The following PAX5 variants were observed in gnomAD, a reference collection of about 807,000 sequenced individuals.
PAX5 encodes paired box 5, also known as paired box protein Pax-5.
A neutral mutation model predicts 43.7 loss-of-function variants in PAX5; 9 were observed. That is an observed-to-expected ratio of 0.21 (90% CI 0.12 to 0.36). The LOEUF (loss-of-function observed/expected upper bound fraction) is 0.36, where lower values mean the gene tolerates loss of function less well. PAX5 is among the 10% of genes least tolerant of loss of function. The probability of loss-of-function intolerance (pLI) is 1.00; values close to 1 mark genes in which losing one functional copy is unlikely to be tolerated. For missense variants in PAX5, 383 were observed against 532.7 expected (o/e 0.72, Z 2.77); for synonymous variants, 228 against 214.3 (o/e 1.06, Z -0.56).
intron 8 of PAX5, among the ~76,000 whole-genome samples, chr9:36,865,695 G>A (rs1824803089): frequency 6.6e-6 from 1 of 152,212 alleles, no homozygotes. Context: ...GAGTTTATTT[G>A]CCAACTAGTA....
intron 3 of PAX5, among the ~76,000 whole-genome samples, chr9:37,009,802 T>C (rs1299331685): frequency 6.6e-6 from 1 of 152,082 alleles, no homozygotes; most frequent in Non-Finnish European, 1.5e-5. Flanking sequence ...CATAAATATA[T>C]ATATATATGC....
chr9:37,017,928 C>T (rs951065519), intron 2 of PAX5, among the ~76,000 whole-genome samples: 8 of 152,340 alleles, frequency 5.3e-5, no homozygotes, highest in South Asian at 2.1e-4. Flanking sequence ...GCAAAACAGC[C>T]GTGCAGCCCC....
intron 4 of PAX5, 27 bp from the exon 5 acceptor site, chr9:37,002,803 G>T: frequency 6.3e-7 from 1 of 1,594,834 alleles, no homozygotes; most frequent in Non-Finnish European, 8.5e-7. Flanking sequence ...GGGCGGTCAG[G>T]GCCGCAGAGG....
At chr9:36,870,663 T>C (rs1387645928) in intron 8 of PAX5, among the ~76,000 whole-genome samples, 4 of 152,246 alleles carry the variant, frequency 2.6e-5, no homozygotes, top group African/African-American at 9.6e-5. Context: ...CAGATTGTTG[T>C]AGATTCCTAA....
Position 36,999,284 on chromosome 9 carries a change from C to A in PAX5, c.604+3364G>T, listed in dbSNP as rs189439409. On this transcript the variant is annotated intron_variant, in intron 5 of 9. Transcript: ENST00000358127. ...CCTTTGATTGGAATGCCCTCTCCTC[C>A]CTTTACCCAGCTCTCAAATGCCACC... Among the ~76,000 whole-genome samples, 26 of 152,350 alleles carry A rather than the reference C, an allele frequency of 1.7e-4. 1 individual carries two copies. Among genetic ancestry groups the A allele is most frequent in the Admixed American group, 1.3e-3 (20 of 15,308 alleles).
intron 7 of PAX5, among the ~76,000 whole-genome samples, chr9:36,906,339 G>A (rs1828821534): frequency 6.6e-6 from 1 of 152,192 alleles, no homozygotes; most frequent in Non-Finnish European, 1.5e-5. Context: ...GGGGGTCAGA[G>A]TCACAGACAG....
At chr9:37,028,741 T>C (rs926694496) in intron 1 of PAX5, among the ~76,000 whole-genome samples, 2 of 151,940 alleles carry the variant, frequency 1.3e-5, no homozygotes, top group Non-Finnish European at 2.9e-5. Flanking sequence ...TCTGCAAGGG[T>C]CAAGCAAAGC....
At chr9:36,880,548 T>C (rs769291121) in intron 8 of PAX5, among the ~76,000 whole-genome samples, 19 of 152,352 alleles carry the variant, frequency 1.2e-4, no homozygotes, top group Middle Eastern at 3.4e-3. Flanking sequence ...TATCTATTTA[T>C]TTATTACATT....
In PAX5 at chr9:36,840,400, C is replaced by T; in HGVS notation, c.*160G>A. 5 of 731,914 alleles carry T rather than the reference C, an allele frequency of 6.8e-6. No individual in the cohort carries two copies. Among genetic ancestry groups the T allele is most frequent in the Admixed American group, 4.3e-5 (2 of 46,698 alleles). 45.3% of individuals were successfully genotyped at this position (731,914 alleles called of 1,614,324 possible). ...GAAGTCCAACGGCCCCACCAAAGGG[C>T]CCCAGAGTCCCTGGAGGAAGAGAGG... On this transcript the variant is annotated 3_prime_UTR_variant, in exon 10 of 10. Coordinates refer to ENST00000358127, the MANE Select transcript of PAX5 (RefSeq NM_016734.3).
chr9:37,017,713 G>A (rs918196044), intron 2 of PAX5, among the ~76,000 whole-genome samples: 7 of 152,224 alleles, frequency 4.6e-5, no homozygotes, highest in Non-Finnish European at 8.8e-5. Context: ...CATAGCTGGC[G>A]GGCGGCAGCA....
Position 36,833,894 on chromosome 9 carries a change from C to T in PAX5, c.*6666G>A, listed in dbSNP as rs1381868098. Reference sequence around the variant, plus strand: ...GTATTTTTTTTTTTTTACAAGTAAGCGTCTATGCAGGCATCACAAACTTTG... The same window carrying T: ...GTATTTTTTTTTTTTTACAAGTAAGTGTCTATGCAGGCATCACAAACTTTG... On this transcript the variant is annotated 3_prime_UTR_variant, in exon 10 of 10. Coordinates refer to ENST00000358127, the MANE Select transcript of PAX5 (RefSeq NM_016734.3). 2 of 222,342 alleles carry T rather than the reference C, an allele frequency of 9.0e-6. No homozygotes were observed. The highest frequency in any genetic ancestry group is 6.2e-5 in the East Asian group (1 of 16,008). 13.8% of individuals were successfully genotyped at this position (222,342 alleles called of 1,614,324 possible).
intron 5 of PAX5, among the ~76,000 whole-genome samples, chr9:36,994,502 C>T (rs147222574): frequency 1.6e-4 from 24 of 152,298 alleles, no homozygotes; most frequent in East Asian, 5.8e-4. Flanking sequence ...CACACATACA[C>T]GCACGCACAC....
At chr9:37,004,960 T>C (rs1395059653) in intron 4 of PAX5, among the ~76,000 whole-genome samples, 1 of 152,258 alleles carries the variant, frequency 6.6e-6, no homozygotes, top group Non-Finnish European at 1.5e-5. Context: ...GCTATATGTA[T>C]GCGAGATGTA....
At chr9:36,986,362 C>G (rs1166909986) in intron 5 of PAX5, among the ~76,000 whole-genome samples, 1 of 147,622 alleles carries the variant, frequency 6.8e-6, no homozygotes, top group South Asian at 2.1e-4. Context: ...CCCGCCGCGG[C>G]CGCGCCGGCG....
chr9:36,996,774 G>T (rs1837429247), intron 5 of PAX5, among the ~76,000 whole-genome samples: 1 of 152,220 alleles, frequency 6.6e-6, no homozygotes. Flanking sequence ...GCTGGGCAGG[G>T]CTGAGGGGGC....
chr9:36,852,489 G>A (rs1377915553), intron 8 of PAX5, among the ~76,000 whole-genome samples: 4 of 152,262 alleles, frequency 2.6e-5, no homozygotes, highest in Non-Finnish European at 2.9e-5. Flanking sequence ...GGTAGCCTTC[G>A]GAGGAAAAAA....
intron 7 of PAX5, among the ~76,000 whole-genome samples, chr9:36,916,199 G>A (rs757789980): frequency 7.9e-5 from 12 of 152,016 alleles, no homozygotes; most frequent in Admixed American, 1.3e-4. Context: ...TTGTCTCAAC[G>A]TCATTAACTA....
chr9:36,861,849 C>T (rs1824250425), intron 8 of PAX5, among the ~76,000 whole-genome samples: 3 of 152,066 alleles, frequency 2.0e-5, no homozygotes, highest in Admixed American at 2.0e-4. Flanking sequence ...TTCACAGGCT[C>T]ACTGCAGCCA....
At chr9:36,864,681 C>T (rs1461302092) in intron 8 of PAX5, among the ~76,000 whole-genome samples, 1 of 152,202 alleles carries the variant, frequency 6.6e-6, no homozygotes, top group Non-Finnish European at 1.5e-5. Context: ...CCTCCTCCGG[C>T]CTGGCCAGCA....
Sources: allele counts gnomAD v4.1 joint callset (sites outside exome capture counted in the v4.1 genomes callset), GRCh38; gene constraint gnomAD v4.1.1; transcripts MANE v1.5; gene names NCBI Gene and HGNC (gene_info 2026-07-23, HGNC 2026-07-21).